The following SH3BP4 variants were observed in gnomAD, a reference collection of about 807,000 sequenced individuals.
SH3BP4 encodes SH3 domain binding protein 4.
In SH3BP4, 33 loss-of-function variants were observed where a neutral mutation model predicts 65.5. The observed-to-expected ratio is 0.50, with a 90% CI of 0.38 to 0.67. The LOEUF is 0.67. SH3BP4 is among the 30% of genes least tolerant of loss of function. The pLI is 0.00. For missense variants in SH3BP4, 1,134 were observed against 1,261.4 expected (o/e 0.90, Z 1.53); for synonymous variants, 552 against 545.5 (o/e 1.01, Z -0.17).
intron 2 of SH3BP4, among the ~76,000 whole-genome samples, chr2:235,028,310 G>T (rs563213361): frequency 8.5e-5 from 13 of 152,336 alleles, no homozygotes; most frequent in Middle Eastern, 6.8e-3. Context: ...CTGGAGAAGT[G>T]ACCACTGGGA....
At chr2:234,961,420 C>T (rs368484295) in intron 1 of SH3BP4, among the ~76,000 whole-genome samples, 130 of 152,108 alleles carry the variant, frequency 8.5e-4, no homozygotes, top group Middle Eastern at 3.4e-3. Context: ...TACAAGTGTG[C>T]GCCACCATGC....
chr2:235,007,533 A>C (rs1266813053), intron 2 of SH3BP4, among the ~76,000 whole-genome samples: 1 of 152,202 alleles, frequency 6.6e-6, no homozygotes, highest in Non-Finnish European at 1.5e-5. Flanking sequence ...GACAGCCCAC[A>C]CAAAGATGGA....
At chr2:235,047,467 G>A (rs561117502) in intron 4 of SH3BP4, among the ~76,000 whole-genome samples, 78 of 152,378 alleles carry the variant, frequency 5.1e-4, no homozygotes, top group South Asian at 2.1e-4. Flanking sequence ...GAGGGGCAGC[G>A]TCTGGCAGTG....
intron 1 of SH3BP4, among the ~76,000 whole-genome samples, chr2:234,980,130 T>C (rs1693323848): frequency 6.6e-6 from 1 of 152,226 alleles, no homozygotes; most frequent in African/African-American, 2.4e-5. Context: ...AGTTCATCTG[T>C]TTTCATTACT....
rs1297492774 is a variant in SH3BP4 at position 234,997,387 on chromosome 2, C to T, written c.-133+2011C>T. Reference sequence around the variant, plus strand: ...AATTTCGTGATTTGCACATAGTTCCCACCTCATGGGTTCAAGTTGTTAACC... The same window carrying T: ...AATTTCGTGATTTGCACATAGTTCCTACCTCATGGGTTCAAGTTGTTAACC... On this transcript the variant is annotated intron_variant, in intron 2 of 5. Transcript: ENST00000392011. The surrounding 1 kb of genome is among the most constrained non-coding windows in gnomAD (Gnocchi z 4.2). Among the ~76,000 whole-genome samples the T allele has an allele frequency of 1.3e-5, 2 of 152,148 alleles. No homozygotes were observed. The highest frequency in any genetic ancestry group is 2.9e-5 in the Non-Finnish European group (2 of 68,026).
At chr2:234,970,423 A>T (rs1024933506) in intron 1 of SH3BP4, among the ~76,000 whole-genome samples, 5 of 152,212 alleles carry the variant, frequency 3.3e-5, no homozygotes, top group Non-Finnish European at 4.4e-5. Context: ...AAAGCATCCT[A>T]GGTGACTCGA....
chr2:235,009,606 G>A (rs1559242297), intron 2 of SH3BP4, among the ~76,000 whole-genome samples: 2 of 151,950 alleles, frequency 1.3e-5, no homozygotes, highest in Non-Finnish European at 1.5e-5. Flanking sequence ...TAGCCGGCCT[G>A]CCTTTGGTGG....
At chr2:234,970,058 C>T (rs1692948234) in intron 1 of SH3BP4, among the ~76,000 whole-genome samples, 1 of 139,298 alleles carries the variant, frequency 7.2e-6, no homozygotes, top group East Asian at 1.9e-4. Context: ...CACACACACT[C>T]ATACACACAC....
intron 1 of SH3BP4, among the ~76,000 whole-genome samples, chr2:234,968,637 T>C (rs1351920444): frequency 6.6e-6 from 1 of 152,130 alleles, no homozygotes; most frequent in Non-Finnish European, 1.5e-5. Flanking sequence ...TCGCATGCCA[T>C]GTGTCTTGTC....
chr2:234,964,905 G>C (rs1245859812), intron 1 of SH3BP4, among the ~76,000 whole-genome samples: 1 of 152,058 alleles, frequency 6.6e-6, no homozygotes, highest in Non-Finnish European at 1.5e-5. Context: ...TCGACGCCTG[G>C]CAGGGAGGCT....
chr2:234,985,209 T>G (rs1693509188), intron 1 of SH3BP4, among the ~76,000 whole-genome samples: 1 of 152,014 alleles, frequency 6.6e-6, no homozygotes, highest in African/African-American at 2.4e-5. Flanking sequence ...ATAGCTGGCC[T>G]TCACTTCCAC....
intron 1 of SH3BP4, among the ~76,000 whole-genome samples, chr2:234,986,575 T>G (rs111996167): frequency 0.011 from 1,710 of 152,224 alleles, 33 homozygotes; most frequent in African/African-American, 0.036. Flanking sequence ...GATTGTTCTG[T>G]TTGTGTTTGT....
intron 1 of SH3BP4, among the ~76,000 whole-genome samples, chr2:234,980,842 C>G (rs1329402515): frequency 1.3e-5 from 2 of 152,296 alleles, no homozygotes; most frequent in East Asian, 3.9e-4. Context: ...ATGCGGAAAT[C>G]CTTTTTGTGG....
rs181871094 is a variant in SH3BP4 at position 235,034,635 on chromosome 2, G to A, written c.-132-236G>A. On this transcript the variant is annotated intron_variant, in intron 2 of 5. Coordinates refer to ENST00000392011, the MANE Select transcript of SH3BP4 (RefSeq NM_014521.3). This position sits in a 1 kb window ranked among gnomAD's most constrained non-coding sequence, Gnocchi z 6.2. Reference sequence around the variant, plus strand: ...CTAAGAAGAGCAGGTGCAAACAGCCGGCCAGAAAACACTGCTTGGGCTGTG... The same window carrying A: ...CTAAGAAGAGCAGGTGCAAACAGCCAGCCAGAAAACACTGCTTGGGCTGTG... 3.9e-5 allele frequency among the ~76,000 whole-genome samples: 6 copies of A among 152,294 alleles called. No individual in the cohort carries two copies. The highest frequency in any genetic ancestry group is 2.1e-4 in the South Asian group (1 of 4,826).
chr2:234,955,228 T>C (rs1166065748), intron 1 of SH3BP4, among the ~76,000 whole-genome samples: 2 of 151,990 alleles, frequency 1.3e-5, no homozygotes, highest in East Asian at 3.9e-4. Context: ...AGTGCGCGGG[T>C]CAGCTTTGCT....
At chr2:234,969,741 C>T (rs1692932048) in intron 1 of SH3BP4, among the ~76,000 whole-genome samples, 1 of 152,206 alleles carries the variant, frequency 6.6e-6, no homozygotes, top group African/African-American at 2.4e-5. Context: ...CCTGTGGGTC[C>T]TCTCAGGGAA....
chr2:235,043,750 C>T (rs549494568), intron 4 of SH3BP4, among the ~76,000 whole-genome samples: 130 of 149,948 alleles, frequency 8.7e-4, no homozygotes, highest in African/African-American at 3.1e-3. Context: ...TCCCAATATG[C>T]GTGGGCGTGG....
Position 235,040,915 on chromosome 2 carries a change from A to G in SH3BP4, c.146A>G (p.Asp49Gly). ...CCTTCTCCCAGTGCCTTGCTCGTAG[A>G]CAACCCCACACCTTTCGGAAATGCA... ...KVPSPSALLVDNPTPFGNAKE... is the reference protein window; with the variant it reads ...KVPSPSALLVGNPTPFGNAKE... Residue 49 changes from aspartate (D) to glycine (G), a missense_variant, in exon 4 of 6, where the codon GAC becomes GGC. By Grantham distance (94) the Asp-to-Gly change is moderately conservative (BLOSUM62 -1). Transcript: ENST00000392011. 8 of 1,612,190 alleles carry G rather than the reference A, an allele frequency of 5.0e-6. No individual in the cohort carries two copies. The highest frequency in any genetic ancestry group is 6.8e-6 in the Non-Finnish European group (8 of 1,178,390).
rs150757256 is a variant in SH3BP4, at chr2:235,042,041, A to G, written c.1272A>G (p.Pro424=). Residue 424 remains proline, a synonymous_variant, in exon 4 of 6, where the codon CCA becomes CCG. Coordinates refer to ENST00000392011, the MANE Select transcript of SH3BP4 (RefSeq NM_014521.3). This position sits in a 1 kb window ranked among gnomAD's most constrained non-coding sequence, Gnocchi z 7.3. Reference sequence around the variant, plus strand: ...TGAGGAGCGACTCGAAGGAAGGGCCATATGTCTCCGTCCCGCTCAACTGCA... The same window carrying G: ...TGAGGAGCGACTCGAAGGAAGGGCCGTATGTCTCCGTCCCGCTCAACTGCA... ...QCLRSDSKEG[P]YVSVPLNCSC... is the part of the protein sequence containing the mutation. The G allele has an allele frequency of 2.0e-4, 328 of 1,614,102 alleles. 1 individual carries two copies. In the African/African-American group the frequency reaches 2.4e-3, roughly 12 times the overall value.
Sources: allele counts gnomAD v4.1 joint callset (sites outside exome capture counted in the v4.1 genomes callset), GRCh38; gene constraint gnomAD v4.1.1; non-coding constraint Gnocchi (gnomAD v3.1); transcripts MANE v1.5; gene names NCBI Gene and HGNC (gene_info 2026-07-23, HGNC 2026-07-21).